AK5: variants seen among roughly 807,000 people sequenced by gnomAD.
AK5 encodes the protein adenylate kinase 5, also known as adenylate kinase isoenzyme 5.
A neutral mutation model predicts 69.5 loss-of-function variants in AK5; 27 were observed. The observed-to-expected ratio is 0.39, with a 90% CI of 0.29 to 0.54. The LOEUF (loss-of-function observed/expected upper bound fraction) is 0.54. Ranked by LOEUF, AK5 falls within the 20% of genes least tolerant of loss-of-function variation. The pLI is 0.71. For missense variants in AK5, 531 were observed against 700.4 expected, an observed-to-expected ratio of 0.76 and a Z score of 2.73; for synonymous variants, 260 against 244.4, an observed-to-expected ratio of 1.06 and a Z score of -0.60.
intron 8 of AK5, among the ~76,000 whole-genome samples, chr1:77,447,067 C>T (rs1652797720): frequency 6.6e-6 from 1 of 152,172 alleles, no homozygotes. Context: ...TGAAGAGGAA[C>T]AGAGGTCAAA....
chr1:77,543,404 C>T (rs2100377966), intron 13 of AK5, among the ~76,000 whole-genome samples: 1 of 152,288 alleles, frequency 6.6e-6, no homozygotes, highest in Middle Eastern at 3.4e-3. Flanking sequence ...ATTTTGAGTT[C>T]AATTTCTCAT....
chr1:77,361,787 A>G (rs1332735649), intron 6 of AK5, among the ~76,000 whole-genome samples: 1 of 152,176 alleles, frequency 6.6e-6, no homozygotes, highest in Non-Finnish European at 1.5e-5. Flanking sequence ...ATCAGATCTC[A>G]TGAGACTCAT....
intron 2 of AK5, among the ~76,000 whole-genome samples, chr1:77,289,847 A>G (rs914797905): frequency 7.4e-6 from 1 of 135,244 alleles, no homozygotes; most frequent in Non-Finnish European, 1.5e-5. Flanking sequence ...TGGGCGACAC[A>G]GAGAGACTCC....
chr1:77,483,282 G>A, intron 8 of AK5, 35 bp from the exon 9 acceptor site: 5 of 1,543,912 alleles, frequency 3.2e-6, no homozygotes, highest in Non-Finnish European at 4.5e-6. Context: ...AATACCTGCT[G>A]TTATTATTAT....
chr1:77,411,894 C>T (rs1354053250), intron 7 of AK5, among the ~76,000 whole-genome samples: 3 of 152,152 alleles, frequency 2.0e-5, no homozygotes, highest in African/African-American at 7.2e-5. Flanking sequence ...ACCCACAGAA[C>T]ACAGATAACC....
chr1:77,483,939 C>T (rs943053249), intron 9 of AK5, among the ~76,000 whole-genome samples: 1 of 152,010 alleles, frequency 6.6e-6, no homozygotes, highest in African/African-American at 2.4e-5. Flanking sequence ...CCAAGGCGGC[C>T]GGATCACTTG....
At chr1:77,370,923 G>A (rs1647110203) in intron 6 of AK5, among the ~76,000 whole-genome samples, 1 of 152,176 alleles carries the variant, frequency 6.6e-6, no homozygotes, top group Non-Finnish European at 1.5e-5. Flanking sequence ...ATCCTAAGTT[G>A]ACAATGAGTG....
At chr1:77,334,351 A>G (rs915188627) in intron 5 of AK5, among the ~76,000 whole-genome samples, 1 of 151,948 alleles carries the variant, frequency 6.6e-6, no homozygotes, top group Non-Finnish European at 1.5e-5. Flanking sequence ...GTAATCTCTC[A>G]TTTCTTTTTT....
chr1:77,520,202 CAAAAAAAAA>C (rs377135288), intron 11 of AK5, among the ~76,000 whole-genome samples: 2 of 110,570 alleles, frequency 1.8e-5, no homozygotes, highest in African/African-American at 6.7e-5. Context: ...AACTCCATCT[CAAAAAAAAA>C]AAAAAAAAAA....
intron 8 of AK5, among the ~76,000 whole-genome samples, chr1:77,432,564 A>G (rs764072792): frequency 1.3e-5 from 2 of 152,226 alleles, no homozygotes; most frequent in Non-Finnish European, 2.9e-5. Context: ...CCAAGTTTGT[A>G]TAATGGTTTT....
At chr1:77,282,635 C>G in intron 1 of AK5, 3 of 1,234,510 alleles carry the variant, frequency 2.4e-6, no homozygotes, top group Non-Finnish European at 3.0e-6. Context: ...GCAGCCTGCT[C>G]CCATCGCGCC....
intron 10 of AK5, 40 bp downstream of exon 10, chr1:77,486,392 T>TA: frequency 6.7e-7 from 1 of 1,497,706 alleles, no homozygotes; most frequent in Non-Finnish European, 9.2e-7. Flanking sequence ...ATACAATTGC[T>TA]AATAATAAGA....
intron 6 of AK5, among the ~76,000 whole-genome samples, chr1:77,348,650 T>G (rs564488291): frequency 4.5e-4 from 68 of 152,248 alleles, no homozygotes; most frequent in African/African-American, 1.6e-3. Flanking sequence ...GAAAACAAAT[T>G]ACTAAATAGT....
chr1:77,508,300 G>T (rs1657135009), intron 10 of AK5, among the ~76,000 whole-genome samples: 1 of 151,948 alleles, frequency 6.6e-6, no homozygotes, highest in Non-Finnish European at 1.5e-5. Flanking sequence ...CTTTCCCTGG[G>T]GAATTTTCTA....
intron 6 of AK5, among the ~76,000 whole-genome samples, chr1:77,394,060 C>G (rs182383907): frequency 9.2e-5 from 14 of 151,872 alleles, no homozygotes; most frequent in Admixed American, 8.5e-4. Flanking sequence ...ACTAAAAATA[C>G]AAAAATTAAC....
intron 10 of AK5, among the ~76,000 whole-genome samples, chr1:77,495,436 T>C (rs1024059229): frequency 2.6e-5 from 4 of 152,158 alleles, no homozygotes; most frequent in African/African-American, 9.7e-5. Context: ...TCAAATACGA[T>C]AGCAAGTGAA....
chr1:77,440,277 C>T (rs979062345), intron 8 of AK5, among the ~76,000 whole-genome samples: 2 of 152,076 alleles, frequency 1.3e-5, no homozygotes, highest in South Asian at 2.1e-4. Flanking sequence ...AATTTTTTGC[C>T]ATTCTTTGAA....
intron 13 of AK5, among the ~76,000 whole-genome samples, chr1:77,538,280 A>G (rs1659076341): frequency 6.6e-6 from 1 of 151,168 alleles, no homozygotes. Flanking sequence ...TCAAGGCTGC[A>G]GTTTGCCATG....
At chr1:77,538,909 C>T (rs1659128918) in intron 13 of AK5, among the ~76,000 whole-genome samples, 1 of 152,108 alleles carries the variant, frequency 6.6e-6, no homozygotes, top group Non-Finnish European at 1.5e-5. Flanking sequence ...TCCAAAAGAC[C>T]AGATTACAAC....
Sources: gnomAD v4.1 joint callset for allele counts (sites outside exome capture counted in the v4.1 genomes callset) on GRCh38, gnomAD v4.1.1 for gene constraint, MANE v1.5 for transcripts, NCBI Gene and HGNC (gene_info 2026-07-23, HGNC 2026-07-21) for gene names.